The following MYO10 variants were observed in gnomAD, a reference collection of about 807,000 sequenced individuals.
MYO10 encodes myosin X.
In MYO10, 133 loss-of-function variants were observed where a neutral mutation model predicts 257.3. That is an observed-to-expected ratio of 0.52 (90% CI 0.45 to 0.60). The LOEUF (loss-of-function observed/expected upper bound fraction) is 0.60, where lower values mean the gene tolerates loss of function less well. Among genes scored for constraint, MYO10 ranks in the 20% least tolerant of loss-of-function variants. The pLI, the probability that MYO10 is intolerant of heterozygous loss-of-function variation, is 0.00. For missense variants in MYO10, 2,399 were observed against 2,635.7 expected (o/e 0.91, Z 1.97); for synonymous variants, 1,104 against 1,028.6 (o/e 1.07, Z -1.40).
rs1273062759 is a variant in MYO10 at position 16,748,012 on chromosome 5, C to T, written c.1929+6816G>A. 2.0e-5 allele frequency among the ~76,000 whole-genome samples: 3 copies of T among 150,456 alleles called. No homozygotes were observed. The East Asian group carries it at 5.9e-4, about 29-fold the overall frequency. On this transcript the variant is annotated intron_variant, in intron 19 of 40. Transcript: ENST00000513610. ...GATAGAGGAAGAATAACATGGGACC[C>T]AAAATTCAAGGCAAGAAATGTGTCA...
rs980775461 is a variant in MYO10, at chr5:16,665,001, G to A, written c.*1691C>T. On this transcript the variant is annotated 3_prime_UTR_variant, in exon 41 of 41. Coordinates refer to ENST00000513610, the MANE Select transcript of MYO10 (RefSeq NM_012334.3). ...TTTGGGAGGCTGAGGCAGGTGGATC[G>A]AGACCAGCCTGGCCAACATGGTGAA... 1 of 152,212 alleles carries A rather than the reference G, an allele frequency of 6.6e-6. No individual in the cohort carries two copies. The highest frequency in any genetic ancestry group is 2.4e-5 in the African/African-American group (1 of 41,378). The allele number at this position is 152,212 out of a possible 1,614,324, so 9.4% of individuals were successfully genotyped here.
chr5:16,736,141 G>A lies in MYO10; in HGVS notation c.1929+18687C>T, dbSNP rs1645963242. On this transcript the variant is annotated intron_variant, in intron 19 of 40. Coordinates refer to ENST00000513610, the MANE Select transcript of MYO10 (RefSeq NM_012334.3). ...TAGAGTCTTTGAATATTCCCAACCTGCCTTCTCTATCATCTAACTACTTTG... is the reference window on the plus strand; with the variant it reads ...TAGAGTCTTTGAATATTCCCAACCTACCTTCTCTATCATCTAACTACTTTG... Among the ~76,000 whole-genome samples, 2 of 152,222 alleles carry A rather than the reference G, an allele frequency of 1.3e-5. 1 individual carries two copies. The highest frequency in any genetic ancestry group is 4.8e-5 in the African/African-American group (2 of 41,446).
intron 2 of MYO10, among the ~76,000 whole-genome samples, chr5:16,872,090 C>T (rs1744470388): frequency 6.6e-6 from 1 of 152,182 alleles, no homozygotes; most frequent in Non-Finnish European, 1.5e-5. Flanking sequence ...CCACTCCCAC[C>T]TCACTAAGAG....
At chr5:16,929,200 A>G (rs1470352176) in intron 1 of MYO10, among the ~76,000 whole-genome samples, 3 of 151,690 alleles carry the variant, frequency 2.0e-5, no homozygotes, top group Non-Finnish European at 4.4e-5. Context: ...TGATCCGCCC[A>G]CCTCGGCCTC....
In MYO10 at chr5:16,666,470, A is replaced by C. The variant is rs1736173392; in HGVS notation, c.*222T>G. On this transcript the variant is annotated 3_prime_UTR_variant, in exon 41 of 41. Coordinates refer to ENST00000513610, the MANE Select transcript of MYO10 (RefSeq NM_012334.3). ...AGGCATGTGTCCTCTAAGAGTAGTA[A>C]AGCTTTGGAAACTGTGCAGACTGTT... 2.1e-6 allele frequency: 1 copy of C among 467,062 alleles called. No individual in the cohort carries two copies. The highest frequency in any genetic ancestry group is 3.9e-5 in the Admixed American group (1 of 25,974). 28.9% of individuals were successfully genotyped at this position (467,062 alleles called of 1,614,324 possible).
At chr5:16,677,695 G>A (rs28439121) in intron 33 of MYO10, among the ~76,000 whole-genome samples, 6,085 of 151,868 alleles carry the variant, frequency 0.04, 294 homozygotes, top group African/African-American at 0.12. Flanking sequence ...GATTACAGGC[G>A]TGAGCCATCG....
intron 11 of MYO10, 72 bp downstream of exon 11, chr5:16,766,008 T>G (rs1236224293): frequency 1.9e-6 from 2 of 1,025,802 alleles, no homozygotes; most frequent in Non-Finnish European, 3.0e-6. Context: ...ATTACATATT[T>G]CAATCAAACC....
intron 2 of MYO10, among the ~76,000 whole-genome samples, chr5:16,833,783 T>A (rs376694601): frequency 6.6e-6 from 1 of 152,178 alleles, no homozygotes; most frequent in Non-Finnish European, 1.5e-5. Flanking sequence ...AATATAAGAA[T>A]AATCCAAATG....
chr5:16,758,190 T>C lies in MYO10; in HGVS notation c.1776A>G (p.Ser592=). ...DFIYDLFEHV[S]SRNNQDTLKC... Reference sequence around the variant, plus strand: ...TCAAGGTATCCTGGTTGTTGCGGCTTGAAACATGTTCAAAAAGATCGTAGA... The same window carrying C: ...TCAAGGTATCCTGGTTGTTGCGGCTCGAAACATGTTCAAAAAGATCGTAGA... The change falls in exon 18 of 41, where the codon TCA becomes TCG. Residue 592 remains serine (S), a synonymous_variant. Coordinates refer to ENST00000513610, the MANE Select transcript of MYO10 (RefSeq NM_012334.3). The C allele has an allele frequency of 1.2e-6, 2 of 1,613,584 alleles. No individual in the cohort carries two copies. The highest frequency in any genetic ancestry group is 1.7e-6 in the Non-Finnish European group (2 of 1,179,548).
intron 21 of MYO10, among the ~76,000 whole-genome samples, chr5:16,708,766 T>C (rs554573668): frequency 3.4e-4 from 52 of 152,228 alleles, no homozygotes; most frequent in African/African-American, 1.2e-3. Flanking sequence ...TCTCACTATG[T>C]TTTCCAGGCT....
At chr5:16,914,706 G>A (rs902455271) in intron 1 of MYO10, among the ~76,000 whole-genome samples, 2 of 152,106 alleles carry the variant, frequency 1.3e-5, no homozygotes, top group Non-Finnish European at 2.9e-5. Flanking sequence ...GGATCGTATC[G>A]CACTAGAAAA....
chr5:16,883,911 C>G (rs375118639), intron 1 of MYO10, among the ~76,000 whole-genome samples: 1 of 152,150 alleles, frequency 6.6e-6, no homozygotes, highest in Non-Finnish European at 1.5e-5. Flanking sequence ...TACAGGTTCA[C>G]GAAAAAGAGA....
At chr5:16,921,240 T>C (rs1745971909) in intron 1 of MYO10, among the ~76,000 whole-genome samples, 1 of 149,110 alleles carries the variant, frequency 6.7e-6, no homozygotes, top group Admixed American at 6.9e-5. Flanking sequence ...TGACATGCCC[T>C]CAAAGCTTTG....
rs183761698 is a variant in MYO10, at chr5:16,714,138, C to T, written c.1930-2893G>A. ...AATTTAGGAGGGTGGACAGGTACAT[C>T]AGTACTTAGATAGCGGAAAGCCTAA... On this transcript the variant is annotated intron_variant, in intron 19 of 40. Coordinates refer to ENST00000513610, the MANE Select transcript of MYO10 (RefSeq NM_012334.3). Among the ~76,000 whole-genome samples the T allele has an allele frequency of 2.0e-3, 303 of 152,078 alleles. 4 individuals carry two copies. The highest frequency in any genetic ancestry group is 6.8e-3 in the African/African-American group (284 of 41,488).
At chr5:16,808,462 G>C (rs1158561470) in intron 3 of MYO10, among the ~76,000 whole-genome samples, 1 of 151,812 alleles carries the variant, frequency 6.6e-6, no homozygotes, top group East Asian at 1.9e-4. Flanking sequence ...AAAAGAGTGA[G>C]GTCTAAATAA....
chr5:16,831,815 C>G (rs1561008204), intron 2 of MYO10, among the ~76,000 whole-genome samples: 1 of 152,100 alleles, frequency 6.6e-6, no homozygotes, highest in African/African-American at 2.4e-5. Context: ...TCTCTAATCA[C>G]CACTAAAGAA....
At chr5:16,758,770 C>T (rs577218374) in intron 17 of MYO10, among the ~76,000 whole-genome samples, 1 of 152,160 alleles carries the variant, frequency 6.6e-6, no homozygotes, top group East Asian at 1.9e-4. Context: ...TTTAATTTAT[C>T]CCCTAATGCC....
chr5:16,733,856 G>C (rs529920937), intron 19 of MYO10, among the ~76,000 whole-genome samples: 6 of 152,212 alleles, frequency 3.9e-5, no homozygotes, highest in Admixed American at 6.5e-5. Context: ...ACGAGTTGAC[G>C]GCTCGGCATC....
Position 16,684,010 on chromosome 5 carries a change from C to A in MYO10, c.3991-75G>T, listed in dbSNP as rs367942874. On this transcript the variant is annotated intron_variant, in intron 29 of 40. Coordinates refer to ENST00000513610, the MANE Select transcript of MYO10 (RefSeq NM_012334.3). ...TGCACACTACAGTAATACCTCTAGCCCACAACTCCCAATCAGACAGAAAAG... is the reference window on the plus strand; with the variant it reads ...TGCACACTACAGTAATACCTCTAGCACACAACTCCCAATCAGACAGAAAAG... The A allele has an allele frequency of 2.2e-5, 29 of 1,299,114 alleles. No individual in the cohort carries two copies. In the African/African-American group the frequency reaches 3.5e-4, roughly 16 times the overall value. 80.5% of individuals were successfully genotyped at this position (1,299,114 alleles called of 1,614,324 possible).
Sources: allele counts gnomAD v4.1 joint callset (sites outside exome capture counted in the v4.1 genomes callset), GRCh38; gene constraint gnomAD v4.1.1; transcripts MANE v1.5; gene names NCBI Gene and HGNC (gene_info 2026-07-23, HGNC 2026-07-21).